Variants in GLIPR2 observed in about 807,000 individuals in gnomAD.
GLIPR2 encodes GLI pathogenesis related 2.
Under a neutral mutation model 20.4 loss-of-function variants are expected in GLIPR2, and 21 were observed. That is an observed-to-expected ratio of 1.03 (90% CI 0.73 to 1.48). The LOEUF (loss-of-function observed/expected upper bound fraction) is 1.48. GLIPR2 is among the 40% of genes most tolerant of loss of function. The probability of loss-of-function intolerance (pLI) is 0.00; values close to 1 mark genes in which losing one functional copy is unlikely to be tolerated. For synonymous variants in GLIPR2, 91 were observed against 80.5 expected, an observed-to-expected ratio of 1.13 and a Z score of -0.70; for missense variants, 205 against 200.1, an observed-to-expected ratio of 1.02 and a Z score of -0.15.
chr9:36,156,388 A>T (rs1317278741), intron 4 of GLIPR2, among the ~76,000 whole-genome samples: 1,064 of 38,694 alleles, frequency 0.027, 22 homozygotes, highest in African/African-American at 0.089. Context: ...CCATGTCTAA[A>T]AAAAAAAAAA....
At position 36,162,434 on chromosome 9, in the gene GLIPR2, C is replaced by G. The variant is rs1469179381; in HGVS notation, c.377C>G (p.Ser126Cys). The change falls in exon 5 of 5, where the codon TCC becomes TGC. Residue 126 changes from serine to cysteine, a missense_variant. Physicochemically the swap from Ser to Cys is moderately radical, Grantham distance 112. Transcript: ENST00000377960. The stretch of plus-strand genomic sequence containing the variant: ...GGGAAGGCGTCCGCAAGTGACGGGT[C>G]CTCCTTTGTGGTGGCCAGATACTTC... ...GVGKASASDGSSFVVARYFPA... is the reference protein window; with the variant it reads ...GVGKASASDGCSFVVARYFPA... 1.2e-6 allele frequency: 2 copies of G among 1,614,074 alleles called. No homozygotes were observed. The highest frequency in any genetic ancestry group is 1.7e-5 in the Admixed American group (1 of 59,988).
At position 36,148,612 on chromosome 9, in the gene GLIPR2, G is replaced by A. The variant is rs1258240344; in HGVS notation, c.188G>A (p.Cys63Tyr). The A allele has an allele frequency of 6.8e-6, 11 of 1,614,076 alleles. No individual in the cohort carries two copies. In the Admixed American group the frequency reaches 8.3e-5, roughly 12 times the overall value. ...AGCCCGGAGTCCAGCCGTGGCCAGT[G>A]TGGGGAGAACCTTGCATGGGCATCC... Reference protein sequence around the residue: ...KHSPESSRGQCGENLAWASYD... With the variant: ...KHSPESSRGQYGENLAWASYD... Residue 63 changes from cysteine to tyrosine, a missense_variant, in exon 3 of 5, where the codon TGT (cysteine) becomes TAT (tyrosine). Physicochemically the swap from Cys to Tyr is radical, Grantham distance 194 (BLOSUM62 -2). Coordinates refer to ENST00000377960, the MANE Select transcript of GLIPR2 (RefSeq NM_022343.4).
At chr9:36,154,403 C>T (rs903896518) in intron 4 of GLIPR2, among the ~76,000 whole-genome samples, 1 of 152,106 alleles carries the variant, frequency 6.6e-6, no homozygotes, top group African/African-American at 2.4e-5. Flanking sequence ...TCTCTTTTCC[C>T]TTTTCCGCAC....
At chr9:36,147,423 G>T (rs976076912) in intron 1 of GLIPR2, among the ~76,000 whole-genome samples, 1 of 152,220 alleles carries the variant, frequency 6.6e-6, no homozygotes, top group Non-Finnish European at 1.5e-5. Flanking sequence ...TCTGCTCTGT[G>T]TTTCTGTGCA....
At chr9:36,145,562 C>T (rs1304354677) in intron 1 of GLIPR2, among the ~76,000 whole-genome samples, 1 of 152,042 alleles carries the variant, frequency 6.6e-6, no homozygotes, top group African/African-American at 2.4e-5. Flanking sequence ...ATGGATGGAC[C>T]TTGGATGAAT....
intron 4 of GLIPR2, among the ~76,000 whole-genome samples, chr9:36,154,198 G>A (rs986501646): frequency 1.3e-5 from 2 of 150,824 alleles, no homozygotes; most frequent in African/African-American, 4.9e-5. Flanking sequence ...AGGTTCACGC[G>A]ATTCTCCCAC....
chr9:36,145,305 T>C (rs1203964559), intron 1 of GLIPR2, among the ~76,000 whole-genome samples: 1 of 152,224 alleles, frequency 6.6e-6, no homozygotes, highest in Non-Finnish European at 1.5e-5. Context: ...TGGGGCCTCA[T>C]ATTGGGAGTT....
chr9:36,153,712 C>T (rs1333379389), intron 4 of GLIPR2, among the ~76,000 whole-genome samples: 1 of 151,992 alleles, frequency 6.6e-6, no homozygotes, highest in African/African-American at 2.4e-5. Flanking sequence ...ATCAGCCTGG[C>T]CAACATGGTG....
At chr9:36,152,750 C>CAA (rs1217889590) in intron 4 of GLIPR2, among the ~76,000 whole-genome samples, 167 of 41,554 alleles carry the variant, frequency 4.0e-3, no homozygotes, top group East Asian at 7.5e-3. Flanking sequence ...AACTCTGTCT[C>CAA]AAAAAAAAAA....
chr9:36,156,290 C>T (rs978415057), intron 4 of GLIPR2, among the ~76,000 whole-genome samples: 2 of 144,770 alleles, frequency 1.4e-5, no homozygotes, highest in Admixed American at 7.2e-5. Flanking sequence ...AGGAGGCTGA[C>T]GTGGGAGGAT....
Position 36,162,344 on chromosome 9 carries a change from C to T in GLIPR2, c.305-18C>T, listed in dbSNP as rs1175556422. ...CTAATTCAGCCGTGTCCCTCTCCCT[C>T]TGCCCGTTCCCCTACAGGACACTTC... is the stretch of plus-strand genomic sequence containing the variant. On this transcript the variant is annotated intron_variant, in intron 4 of 4. Transcript: ENST00000377960. 6.2e-7 allele frequency: 1 copy of T among 1,605,148 alleles called. No individual in the cohort carries two copies. The highest frequency in any genetic ancestry group is 2.2e-5 in the East Asian group (1 of 44,734).
intron 4 of GLIPR2, among the ~76,000 whole-genome samples, chr9:36,158,872 C>T (rs1465541178): frequency 1.3e-5 from 2 of 152,180 alleles, no homozygotes; most frequent in Non-Finnish European, 2.9e-5. Context: ...TGAGACCAGC[C>T]TGGCCAACAT....
At chr9:36,161,028 G>A (rs1280499941) in intron 4 of GLIPR2, among the ~76,000 whole-genome samples, 1 of 151,936 alleles carries the variant, frequency 6.6e-6, no homozygotes, top group African/African-American at 2.4e-5. Context: ...GGGTGACAGG[G>A]TGAGACTCGT....
At chr9:36,160,598 T>A (rs1826015107) in intron 4 of GLIPR2, among the ~76,000 whole-genome samples, 1 of 152,044 alleles carries the variant, frequency 6.6e-6, no homozygotes, top group Non-Finnish European at 1.5e-5. Flanking sequence ...GTGCAAGGGT[T>A]CTGAGGTGGG....
chr9:36,157,683 AACACACACACACACAC>A (rs567476723), intron 4 of GLIPR2, among the ~76,000 whole-genome samples: 1 of 146,238 alleles, frequency 6.8e-6, no homozygotes, highest in Non-Finnish European at 1.5e-5. Context: ...ATATCTGTTA[AACACACACACACACAC>A]ACACACACAC....
intron 2 of GLIPR2, among the ~76,000 whole-genome samples, chr9:36,148,273 C>T (rs950797642): frequency 2.6e-5 from 4 of 151,952 alleles, no homozygotes; most frequent in Admixed American, 1.3e-4. Flanking sequence ...TTGGGGGGCC[C>T]TGCATGGTTT....
At chr9:36,147,250 C>G (rs1014578960) in intron 1 of GLIPR2, among the ~76,000 whole-genome samples, 1 of 152,230 alleles carries the variant, frequency 6.6e-6, no homozygotes, top group African/African-American at 2.4e-5. Context: ...CTTCACCCAC[C>G]CAGCATAGGT....
At chr9:36,136,677 G>T (rs1824828415), upstream of GLIPR2, 2 of 891,052 alleles carry the variant, frequency 2.2e-6, no homozygotes, top group South Asian at 5.6e-5. The surrounding 1 kb of genome is among the most constrained non-coding windows in gnomAD (Gnocchi z 4.3). Flanking sequence ...CGCCGGAGGA[G>T]GGGCCGCGGC....
intron 4 of GLIPR2, among the ~76,000 whole-genome samples, chr9:36,155,090 G>T (rs575042062): frequency 1.5e-4 from 23 of 152,360 alleles, no homozygotes; most frequent in African/African-American, 5.3e-4. Flanking sequence ...GTGGAAACCA[G>T]AGTTTATTAA....
Sources: allele counts gnomAD v4.1 joint callset (sites outside exome capture counted in the v4.1 genomes callset), GRCh38; gene constraint gnomAD v4.1.1; non-coding constraint Gnocchi (gnomAD v3.1); transcripts MANE v1.5; gene names NCBI Gene and HGNC (gene_info 2026-07-23, HGNC 2026-07-21).